AJUBA: variants seen among roughly 807,000 people sequenced by gnomAD.
The protein encoded by AJUBA is ajuba LIM protein.
Under a neutral mutation model 53.3 loss-of-function variants are expected in AJUBA, and 20 were observed. The ratio of observed to expected loss-of-function variants is 0.38; its 90% CI spans 0.26 to 0.55. AJUBA has a LOEUF of 0.55. Ranked by LOEUF, AJUBA falls within the 20% of genes least tolerant of loss-of-function variation. AJUBA has a pLI of 0.80. For synonymous variants in AJUBA, 296 were observed against 306.2 expected (o/e 0.97, Z 0.35); for missense variants, 580 against 730.5 (o/e 0.79, Z 2.38).
chr14:22,976,600 G>T (rs764998253), intron 3 of AJUBA, 45 bp downstream of exon 3: 3 of 1,612,692 alleles, frequency 1.9e-6, no homozygotes, highest in Non-Finnish European at 1.7e-6. Flanking sequence ...CCAAGAAGGG[G>T]GTCAGTATGG....
chr14:22,974,841 C>T lies in AJUBA; in HGVS notation c.1420G>A (p.Glu474Lys). The T allele has an allele frequency of 6.2e-7, 1 of 1,612,224 alleles. No individual in the cohort carries two copies. Among genetic ancestry groups the T allele is most frequent in the Non-Finnish European group, 8.5e-7 (1 of 1,179,636 alleles). The change falls in exon 6 of 8, where the codon GAG (glutamate) becomes AAG (lysine). Residue 474 changes from glutamate to lysine, a missense_variant and splice_region_variant. Physicochemically the swap from Glu to Lys is moderately conservative, Grantham distance 56 (BLOSUM62 1). Transcript: ENST00000262713. ...AACGQPILPS[E>K]GCEDIVRVIS... is the part of the protein sequence containing the mutation. ...AAGGAGAACCCAGACATACTGACCTCAGAGGGGAGGATGGGTTGGCCACAG... is the reference window on the plus strand; with the variant it reads ...AAGGAGAACCCAGACATACTGACCTTAGAGGGGAGGATGGGTTGGCCACAG...
At chr14:22,974,631 G>A in intron 6 of AJUBA, 1 of 577,962 alleles carries the variant, frequency 1.7e-6, no homozygotes, top group Non-Finnish European at 3.0e-6. Context: ...AAGAGATGGA[G>A]CCTGGGCCCA....
chr14:22,976,326 AG>A (rs758514551), intron 4 of AJUBA, 129 bp downstream of exon 4: 10 of 968,266 alleles, frequency 1.0e-5, no homozygotes, highest in Non-Finnish European at 1.6e-5. Flanking sequence ...TGCTCTGGGG[AG>A]GAATGGGATG....
At position 22,971,846 on chromosome 14, in the gene AJUBA, T is replaced by C. The variant is rs1485929359; in HGVS notation, c.*1597A>G. On this transcript the variant is annotated 3_prime_UTR_variant, in exon 8 of 8. Transcript: ENST00000262713. ...ACCAATTGTATTTATTGCTAGAAAC[T>C]TTAAACTTTTTAAAAAAGTTTTTGA... 5 of 152,442 alleles carry C rather than the reference T, an allele frequency of 3.3e-5. No individual in the cohort carries two copies. Among genetic ancestry groups the C allele is most frequent in the African/African-American group, 1.2e-4 (5 of 41,460 alleles). 9.4% of individuals were successfully genotyped at this position (152,442 alleles called of 1,614,324 possible).
At position 22,973,341 on chromosome 14, in the gene AJUBA, G is replaced by A; in HGVS notation, c.*102C>T. On this transcript the variant is annotated 3_prime_UTR_variant, in exon 8 of 8. Transcript: ENST00000262713. ...GGGGTCCTCCCCAGAGGACTCTTCT[G>A]CCAGGCCTGCAGAGTGCATTCTTTG... The A allele has an allele frequency of 6.7e-7, 1 of 1,498,784 alleles. No individual in the cohort carries two copies. The highest frequency in any genetic ancestry group is 1.3e-5 in the South Asian group (1 of 78,714). The allele number at this position is 1,498,784 out of a possible 1,614,324, so 92.8% of individuals were successfully genotyped here. A position where few individuals can be genotyped will look rare whatever the true frequency, so the allele number is the denominator to read the frequency against.
intron 2 of AJUBA, 70 bp from the exon 3 acceptor site, chr14:22,976,782 C>T (rs2045041161): frequency 8.2e-6 from 13 of 1,579,082 alleles, no homozygotes; most frequent in South Asian, 8.0e-5. Context: ...GGTCACTGCT[C>T]CCCGCTGCTG....
At position 22,974,824 on chromosome 14, in the gene AJUBA, C is replaced by A. The variant is rs771525807; in HGVS notation, c.1422+15G>T. On this transcript the variant is annotated intron_variant, in intron 6 of 7. Coordinates refer to ENST00000262713, the MANE Select transcript of AJUBA (RefSeq NM_032876.6). ...TGGCACTGGCTGCCCTGAAGGAGAA[C>A]CCAGACATACTGACCTCAGAGGGGA... is the stretch of plus-strand genomic sequence containing the variant. 4 of 1,609,254 alleles carry A rather than the reference C, an allele frequency of 2.5e-6. No individual in the cohort carries two copies. The highest frequency in any genetic ancestry group is 3.4e-6 in the Non-Finnish European group (4 of 1,178,210).
chr14:22,977,106 G>A lies in AJUBA; in HGVS notation c.1109-394C>T, dbSNP rs116468033. On this transcript the variant is annotated intron_variant, in intron 2 of 7. Transcript: ENST00000262713. ...CATAGAGAGAACCACATTGTTAACAGGCCTTTCCCTCTGGGACCCTTCAAC... is the reference window on the plus strand; with the variant it reads ...CATAGAGAGAACCACATTGTTAACAAGCCTTTCCCTCTGGGACCCTTCAAC... 1,754 of 1,035,460 alleles carry A rather than the reference G, an allele frequency of 1.7e-3. 27 individuals are homozygous for A. In the African/African-American group the frequency reaches 0.027, roughly 16 times the overall value. The allele number at this position is 1,035,460 out of a possible 1,614,324, so 64.1% of individuals were successfully genotyped here. A position where few individuals can be genotyped will look rare whatever the true frequency, so the allele number is the denominator to read the frequency against.
At position 22,981,349 on chromosome 14, in the gene AJUBA, C is replaced by G. The variant is rs377262977; in HGVS notation, c.918G>C (p.Pro306=). Residue 306 remains proline (P), a synonymous_variant, in exon 1 of 8, where the codon CCG becomes CCC. Coordinates refer to ENST00000262713, the MANE Select transcript of AJUBA (RefSeq NM_032876.6). ...GARGEPSGIE[P]SGLEEPPGPF... is the part of the protein sequence containing the mutation. Reference sequence around the variant, plus strand: ...GACCTGGTGGCTCCTCCAGACCCGACGGCTCAATCCCCGAGGGTTCTCCGC... The same window carrying G: ...GACCTGGTGGCTCCTCCAGACCCGAGGGCTCAATCCCCGAGGGTTCTCCGC... The G allele has an allele frequency of 6.2e-7, 1 of 1,613,244 alleles. No individual in the cohort carries two copies. The highest frequency in any genetic ancestry group is 8.5e-7 in the Non-Finnish European group (1 of 1,179,974).
At chr14:22,973,695 G>T in intron 7 of AJUBA, 127 bp from the exon 8 acceptor site, 2 of 1,226,044 alleles carry the variant, frequency 1.6e-6, no homozygotes, top group South Asian at 1.5e-5. Flanking sequence ...GGGAAGGGAA[G>T]GATGGAAGGG....
intron 2 of AJUBA, chr14:22,977,744 G>C (rs2045050771): frequency 6.6e-6 from 1 of 152,584 alleles, no homozygotes; most frequent in South Asian, 2.1e-4. Context: ...CAGTAAGGAG[G>C]GGGTAATGAG....
intron 1 of AJUBA, chr14:22,980,620 G>A (rs2045077675): frequency 1.0e-6 from 1 of 985,206 alleles, no homozygotes; most frequent in Admixed American, 6.2e-5. Flanking sequence ...ACAGGACTGG[G>A]GAGGGACAGC....
Position 22,974,100 on chromosome 14 carries a change from C to T in AJUBA, c.1438G>A (p.Val480Met), listed in dbSNP as rs1024077752. 12 of 1,614,026 alleles carry T rather than the reference C, an allele frequency of 7.4e-6. No individual in the cohort carries two copies. Among genetic ancestry groups the T allele is most frequent in the African/African-American group, 4.0e-5 (3 of 74,898 alleles). The change falls in exon 7 of 8, where the codon GTG (valine) becomes ATG (methionine). Residue 480 changes from valine (V) to methionine (M), a missense_variant. Coordinates refer to ENST00000262713, the MANE Select transcript of AJUBA (RefSeq NM_032876.6). ...ILPSEGCEDIVRVISMDRDYH... is the reference protein window; with the variant it reads ...ILPSEGCEDIMRVISMDRDYH... ...TCCCGGTCCATGGATATCACCCTCA[C>T]GATGTCCTCACAGCCCTGAAACATG...
At position 22,971,557 on chromosome 14, in the gene AJUBA, C is replaced by A. The variant is rs1349907043; in HGVS notation, c.*1886G>T. On this transcript the variant is annotated 3_prime_UTR_variant, in exon 8 of 8. Transcript: ENST00000262713. ...CAATTAGTCTAAAATAAATATTTATCAAATCTGCAGCATTTCAAAAGGATT... is the reference window on the plus strand; with the variant it reads ...CAATTAGTCTAAAATAAATATTTATAAAATCTGCAGCATTTCAAAAGGATT... 6.6e-6 allele frequency: 1 copy of A among 152,230 alleles called. No individual in the cohort carries two copies. The highest frequency in any genetic ancestry group is 6.5e-5 in the Admixed American group (1 of 15,286). The allele number at this position is 152,230 out of a possible 1,614,324, so 9.4% of individuals were successfully genotyped here.
chr14:22,980,714 T>A (rs114422318), intron 1 of AJUBA: 5 of 979,702 alleles, frequency 5.1e-6, no homozygotes, highest in Non-Finnish European at 6.1e-6. Flanking sequence ...CTAGGGAGCG[T>A]CCCCCGATCC....
At chr14:22,976,565 T>A in intron 3 of AJUBA, 47 bp from the exon 4 acceptor site, 1 of 1,613,202 alleles carries the variant, frequency 6.2e-7, no homozygotes, top group South Asian at 1.1e-5. Flanking sequence ...AAACTGAGAA[T>A]GATGGGTGGT....
chr14:22,982,254 C>T lies in AJUBA; in HGVS notation c.13G>A (p.Gly5Arg), dbSNP rs1196093406. Residue 5 changes from glycine to arginine, a missense_variant, in exon 1 of 8, where the codon GGA becomes AGA. Coordinates refer to ENST00000262713, the MANE Select transcript of AJUBA (RefSeq NM_032876.6). MERL[G>R]EKASRLLEKF... ...TCCAGCAGGCGACTGGCTTTCTCTC[C>T]TAACCGCTCCATGCCCTCGGGCCTG... The T allele has an allele frequency of 6.2e-7, 1 of 1,613,852 alleles. No homozygotes were observed. Among genetic ancestry groups the T allele is most frequent in the South Asian group, 1.1e-5 (1 of 91,084 alleles).
chr14:22,978,518 C>T, intron 1 of AJUBA, 73 bp from the exon 2 acceptor site: 1 of 1,564,274 alleles, frequency 6.4e-7, no homozygotes, highest in Admixed American at 1.8e-5. Flanking sequence ...CCTGACTGCC[C>T]TTTCCTGATG....
In AJUBA at chr14:22,973,322, C is replaced by G. The variant is rs1238446500; in HGVS notation, c.*121G>C. 2.1e-6 allele frequency: 3 copies of G among 1,404,902 alleles called. No individual in the cohort carries two copies. The East Asian group carries it at 7.5e-5, about 35-fold the overall frequency. 87.0% of individuals were successfully genotyped at this position (1,404,902 alleles called of 1,614,324 possible). The stretch of plus-strand genomic sequence containing the variant: ...CTTTGGGTCTCCGGCCCTTGGGGTC[C>G]TCCCCAGAGGACTCTTCTGCCAGGC... On this transcript the variant is annotated 3_prime_UTR_variant, in exon 8 of 8. Coordinates refer to ENST00000262713, the MANE Select transcript of AJUBA (RefSeq NM_032876.6).
Sources: allele counts gnomAD v4.1 joint callset, GRCh38; gene constraint gnomAD v4.1.1; transcripts MANE v1.5; gene names NCBI Gene and HGNC (gene_info 2026-07-23, HGNC 2026-07-21).